PIK3C2G: variants seen among roughly 807,000 people sequenced by gnomAD.
The protein encoded by PIK3C2G is phosphatidylinositol-4-phosphate 3-kinase catalytic subunit type 2 gamma.
In PIK3C2G, 168 loss-of-function variants were observed where a neutral mutation model predicts 181.1. The observed-to-expected ratio is 0.93, with a 90% CI of 0.82 to 1.05. PIK3C2G has a LOEUF of 1.05. PIK3C2G is among the 50% of genes least tolerant of loss of function. The pLI is 0.00. For synonymous variants in PIK3C2G, 573 were observed against 592.2 expected (o/e 0.97, Z 0.47); for missense variants, 1,869 against 1,732.8 (o/e 1.08, Z -1.40).
intron 1 of PIK3C2G, among the ~76,000 whole-genome samples, chr12:18,278,296 T>C (rs796837924): frequency 7.2e-5 from 11 of 152,288 alleles, no homozygotes; most frequent in African/African-American, 2.6e-4. Context: ...TCTAGAGACG[T>C]CTTATGTTCC....
intron 25 of PIK3C2G, among the ~76,000 whole-genome samples, chr12:18,545,290 G>A (rs1944364032): frequency 6.6e-6 from 1 of 151,616 alleles, no homozygotes; most frequent in Admixed American, 6.6e-5. Context: ...GGGTGGGGAT[G>A]GTGGGAAAAA....
intron 26 of PIK3C2G, among the ~76,000 whole-genome samples, chr12:18,554,728 A>C (rs1050503224): frequency 6.6e-6 from 1 of 152,070 alleles, no homozygotes; most frequent in African/African-American, 2.4e-5. Context: ...CATACTCATA[A>C]GCTTAAGTAA....
intron 29 of PIK3C2G, among the ~76,000 whole-genome samples, chr12:18,585,513 T>C (rs1394075394): frequency 1.3e-5 from 2 of 152,022 alleles, no homozygotes; most frequent in African/African-American, 4.8e-5. Context: ...CCTAAACATA[T>C]ATGCAGCCAA....
At chr12:18,429,020 ACCTGTGATT>A (rs541904685) in intron 18 of PIK3C2G, among the ~76,000 whole-genome samples, 13 of 152,232 alleles carry the variant, frequency 8.5e-5, no homozygotes, top group Admixed American at 8.5e-4. Flanking sequence ...AACCTCAGAA[ACCTGTGATT>A]TGTGAATGTG....
At chr12:18,391,074 T>C in intron 14 of PIK3C2G, 48 bp from the exon 15 acceptor site, 1 of 1,448,178 alleles carries the variant, frequency 6.9e-7, no homozygotes, top group Non-Finnish European at 9.3e-7. Flanking sequence ...ATCAATAATG[T>C]ATTTTGAGAC....
intron 5 of PIK3C2G, among the ~76,000 whole-genome samples, chr12:18,305,504 C>T (rs889880783): frequency 7.2e-5 from 11 of 152,188 alleles, no homozygotes; most frequent in African/African-American, 1.7e-4. Flanking sequence ...GCAGCTGTCA[C>T]ATTATTTTTG....
intron 18 of PIK3C2G, among the ~76,000 whole-genome samples, chr12:18,474,083 GAAC>G (rs921472789): frequency 7.2e-5 from 11 of 152,034 alleles, no homozygotes; most frequent in African/African-American, 2.4e-4. Context: ...TGAATACCAA[GAAC>G]AACAACTACT....
At chr12:18,297,742 G>T (rs1470226150) in intron 5 of PIK3C2G, among the ~76,000 whole-genome samples, 2 of 151,866 alleles carry the variant, frequency 1.3e-5, no homozygotes, top group Admixed American at 6.6e-5. Flanking sequence ...CTAACTCCGT[G>T]AGATAACCAT....
chr12:18,251,947 A>T (rs1467891953), intron 1 of PIK3C2G, among the ~76,000 whole-genome samples: 2 of 152,130 alleles, frequency 1.3e-5, no homozygotes, highest in East Asian at 1.9e-4. Context: ...ACTCTACTCA[A>T]GTATTTTTAA....
chr12:18,518,541 T>C (rs1487994502), intron 24 of PIK3C2G, among the ~76,000 whole-genome samples: 1 of 152,224 alleles, frequency 6.6e-6, no homozygotes, highest in Non-Finnish European at 1.5e-5. Context: ...TATAGTATTC[T>C]CTGATGGTAG....
intron 30 of PIK3C2G, among the ~76,000 whole-genome samples, chr12:18,597,302 G>T (rs992627630): frequency 6.6e-6 from 1 of 151,718 alleles, no homozygotes; most frequent in African/African-American, 2.4e-5. Flanking sequence ...ATTGTCAAAA[G>T]AAATAAAAAG....
intron 8 of PIK3C2G, among the ~76,000 whole-genome samples, chr12:18,333,711 A>C (rs1223053874): frequency 6.6e-6 from 1 of 152,144 alleles, no homozygotes; most frequent in East Asian, 1.9e-4. Flanking sequence ...TAACTACTGA[A>C]CCTGGAATGA....
At chr12:18,293,724 A>G (rs1244843155) in intron 4 of PIK3C2G, among the ~76,000 whole-genome samples, 177 bp from the exon 5 acceptor site, 3 of 152,172 alleles carry the variant, frequency 2.0e-5, no homozygotes, top group African/African-American at 4.8e-5. Flanking sequence ...TTTTCCCCAA[A>G]TATCTTTAAA....
At chr12:18,370,779 C>A (rs546275167) in intron 12 of PIK3C2G, among the ~76,000 whole-genome samples, 4 of 152,196 alleles carry the variant, frequency 2.6e-5, no homozygotes, top group Admixed American at 6.5e-5. Flanking sequence ...CTGGAATATT[C>A]TTTTCCAAAT....
chr12:18,489,126 T>G (rs139168980), intron 19 of PIK3C2G, among the ~76,000 whole-genome samples: 204 of 152,220 alleles, frequency 1.3e-3, no homozygotes, highest in African/African-American at 4.5e-3. Context: ...TTCTCAGTGT[T>G]TATAATAATG....
chr12:18,434,420 T>C (rs762365384), intron 18 of PIK3C2G, among the ~76,000 whole-genome samples: 3 of 152,146 alleles, frequency 2.0e-5, no homozygotes, highest in Non-Finnish European at 2.9e-5. Context: ...CCAAATAAGA[T>C]AGAATCATAG....
rs78576229 is a variant in PIK3C2G at position 18,263,449 on chromosome 12, A to T, written c.-79+1872A>T. ...TATGTTCATTGAATTAAGCTTGTTA[A>T]TTGTATATTTTTGACTGATCACTCT... On this transcript the variant is annotated intron_variant, in intron 1 of 32. Transcript: ENST00000538779. 2.9e-3 allele frequency among the ~76,000 whole-genome samples: 438 copies of T among 152,208 alleles called. 1 individual carries two copies. The highest frequency in any genetic ancestry group is 0.01 in the African/African-American group (424 of 41,564).
At chr12:18,465,097 A>G (rs1271936476) in intron 18 of PIK3C2G, among the ~76,000 whole-genome samples, 1 of 151,986 alleles carries the variant, frequency 6.6e-6, no homozygotes, top group Non-Finnish European at 1.5e-5. Context: ...AAAATAAGAA[A>G]CTTTCTTCAC....
the PIK3C2G span, chr12:18,693,261 G>A: frequency 2.0e-6 from 3 of 1,533,072 alleles, no homozygotes; most frequent in Non-Finnish European, 2.7e-6. Flanking sequence ...CATGATAGGG[G>A]TGCTGATGGA....
Sources: gnomAD v4.1 joint callset for allele counts (sites outside exome capture counted in the v4.1 genomes callset) on GRCh38, gnomAD v4.1.1 for gene constraint, MANE v1.5 for transcripts, NCBI Gene and HGNC (gene_info 2026-07-23, HGNC 2026-07-21) for gene names.